The following LRRC4C variants were observed in gnomAD, a reference collection of about 807,000 sequenced individuals.
The protein encoded by LRRC4C is leucine rich repeat containing 4C, also known as leucine-rich repeat-containing protein 4C.
LRRC4C carries 5 observed loss-of-function variants against 33.6 expected under a neutral mutation model. The observed-to-expected ratio is 0.15, with a 90% CI of 0.08 to 0.31. LRRC4C has a LOEUF of 0.31. LRRC4C is among the 10% of genes least tolerant of loss of function. The probability of loss-of-function intolerance (pLI) is 1.00; values close to 1 mark genes in which losing one functional copy is unlikely to be tolerated. For synonymous variants in LRRC4C, 329 were observed against 302.0 expected, an observed-to-expected ratio of 1.09 and a Z score of -0.93; for missense variants, 560 against 796.7, an observed-to-expected ratio of 0.70 and a Z score of 3.58.
intron 1 of LRRC4C, among the ~76,000 whole-genome samples, chr11:41,248,584 C>G (rs929359431): frequency 1.3e-5 from 2 of 152,066 alleles, no homozygotes; most frequent in African/African-American, 4.8e-5. Flanking sequence ...TTGTCCCTAC[C>G]TGTATGAAAT....
intron 2 of LRRC4C, among the ~76,000 whole-genome samples, chr11:40,886,995 T>TAC (rs369413177): frequency 0.065 from 9,295 of 144,054 alleles, 479 homozygotes; most frequent in African/African-American, 0.14. Context: ...TGTATATATC[T>TAC]ACACACACAC....
intron 1 of LRRC4C, among the ~76,000 whole-genome samples, chr11:41,019,184 C>T (rs536475612): frequency 3.6e-4 from 55 of 152,200 alleles, no homozygotes; most frequent in Middle Eastern, 3.4e-3. Context: ...ACCCCCACCC[C>T]GCAACAGGCC....
intron 3 of LRRC4C, among the ~76,000 whole-genome samples, chr11:40,469,617 A>T (rs1272439033): frequency 6.6e-6 from 1 of 152,144 alleles, no homozygotes; most frequent in Non-Finnish European, 1.5e-5. Context: ...AGCCCAGCAA[A>T]CTATGATCCA....
At chr11:41,365,116 T>C (rs1952489272) in intron 1 of LRRC4C, among the ~76,000 whole-genome samples, 1 of 152,086 alleles carries the variant, frequency 6.6e-6, no homozygotes, top group Non-Finnish European at 1.5e-5. Context: ...CAAGCAAAGT[T>C]CATCAGTATT....
intron 1 of LRRC4C, among the ~76,000 whole-genome samples, chr11:41,305,968 G>A (rs542442309): frequency 1.7e-4 from 26 of 149,750 alleles, no homozygotes; most frequent in Admixed American, 1.7e-3. Context: ...AGAGGCTGGC[G>A]GGATCCTCCG....
At chr11:40,819,407 C>T (rs1413873477) in intron 2 of LRRC4C, among the ~76,000 whole-genome samples, 1 of 152,092 alleles carries the variant, frequency 6.6e-6, no homozygotes, top group African/African-American at 2.4e-5. Flanking sequence ...CTGCTACTTC[C>T]CCACTTCCAC....
At chr11:40,334,718 C>T (rs1035161434) in intron 3 of LRRC4C, among the ~76,000 whole-genome samples, 7 of 152,066 alleles carry the variant, frequency 4.6e-5, no homozygotes, top group African/African-American at 1.2e-4. Flanking sequence ...GTCATCTGAG[C>T]GAGGTATGAA....
chr11:40,286,533 C>A (rs1943852579), intron 4 of LRRC4C, among the ~76,000 whole-genome samples: 1 of 152,070 alleles, frequency 6.6e-6, no homozygotes. Flanking sequence ...ACTTGGATAG[C>A]AAAGTTGGCA....
At chr11:40,531,729 T>C (rs1956279191) in intron 3 of LRRC4C, among the ~76,000 whole-genome samples, 2 of 151,894 alleles carry the variant, frequency 1.3e-5, no homozygotes, top group African/African-American at 2.4e-5. Context: ...GATGAAACAA[T>C]GAGAGAGGAG....
intron 1 of LRRC4C, among the ~76,000 whole-genome samples, chr11:41,007,036 T>C (rs61887629): frequency 0.07 from 10,600 of 152,208 alleles, 460 homozygotes; most frequent in Non-Finnish European, 0.1. Flanking sequence ...CCTACCACTT[T>C]CATAACTTCA....
At chr11:40,782,787 A>G (rs375340066) in intron 2 of LRRC4C, among the ~76,000 whole-genome samples, 2 of 152,150 alleles carry the variant, frequency 1.3e-5, no homozygotes. Flanking sequence ...TATGTAGTCA[A>G]TTATGGTAAA....
At chr11:41,107,447 G>A (rs2135672706) in intron 1 of LRRC4C, among the ~76,000 whole-genome samples, 1 of 152,036 alleles carries the variant, frequency 6.6e-6, no homozygotes, top group African/African-American at 2.4e-5. Context: ...CATAGCAAGT[G>A]AAATATCTCT....
At chr11:40,606,390 G>A (rs982322708) in intron 3 of LRRC4C, among the ~76,000 whole-genome samples, 1 of 152,138 alleles carries the variant, frequency 6.6e-6, no homozygotes, top group Non-Finnish European at 1.5e-5. Flanking sequence ...AAGTTGAGAA[G>A]CCCTGAGAAT....
intron 1 of LRRC4C, among the ~76,000 whole-genome samples, chr11:41,109,870 A>G (rs150239464): frequency 3.9e-5 from 6 of 152,070 alleles, no homozygotes; most frequent in African/African-American, 7.2e-5. Flanking sequence ...ACTTTCCTCA[A>G]CTTTAAGGTG....
intron 1 of LRRC4C, among the ~76,000 whole-genome samples, chr11:41,377,779 C>T (rs1952992540): frequency 6.6e-6 from 1 of 152,156 alleles, no homozygotes; most frequent in African/African-American, 2.4e-5. Context: ...GGGGACCAAA[C>T]AACTATTACA....
At chr11:40,990,460 A>T (rs1175264004) in intron 1 of LRRC4C, among the ~76,000 whole-genome samples, 1 of 151,916 alleles carries the variant, frequency 6.6e-6, no homozygotes. Flanking sequence ...ACTAAGCAGA[A>T]CAGCTAGAAT....
intron 1 of LRRC4C, among the ~76,000 whole-genome samples, chr11:41,249,021 G>T (rs922009178): frequency 1.3e-5 from 2 of 150,974 alleles, no homozygotes; most frequent in African/African-American, 4.9e-5. Context: ...TTATCTCCCT[G>T]GTTTAAGATA....
chr11:41,212,035 T>C (rs187307509), intron 1 of LRRC4C, among the ~76,000 whole-genome samples: 54 of 152,312 alleles, frequency 3.5e-4, no homozygotes, highest in African/African-American at 1.3e-3. Flanking sequence ...CTAATCTTTA[T>C]ATTTTTGTTT....
intron 2 of LRRC4C, among the ~76,000 whole-genome samples, chr11:40,765,220 A>T (rs1283569789): frequency 6.6e-6 from 1 of 152,096 alleles, no homozygotes; most frequent in Non-Finnish European, 1.5e-5. Context: ...CATGGGGGGA[A>T]GATTTCACCA....
Sources: gnomAD v4.1 joint callset for allele counts (sites outside exome capture counted in the v4.1 genomes callset) on GRCh38, gnomAD v4.1.1 for gene constraint, MANE v1.5 for transcripts, NCBI Gene and HGNC (gene_info 2026-07-23, HGNC 2026-07-21) for gene names.